The following BTBD9 variants were observed in gnomAD, a reference collection of about 807,000 sequenced individuals.
The protein encoded by BTBD9 is BTB domain containing 9.
BTBD9 carries 49 observed loss-of-function variants against 64.3 expected under a neutral mutation model. The observed-to-expected ratio is 0.76, with a 90% confidence interval of 0.61 to 0.97. BTBD9 has a LOEUF of 0.97. Among genes scored for constraint, BTBD9 ranks in the 50% least tolerant of loss-of-function variants. The probability of loss-of-function intolerance (pLI) is 0.00; values close to 1 mark genes in which losing one functional copy is unlikely to be tolerated. For synonymous variants in BTBD9, 260 were observed against 274.7 expected (o/e 0.95, Z 0.53); for missense variants, 598 against 762.1 (o/e 0.78, Z 2.53).
chr6:38,601,979 T>C (rs16890867), intron 1 of BTBD9, among the ~76,000 whole-genome samples: 7 of 152,068 alleles, frequency 4.6e-5, no homozygotes, highest in African/African-American at 1.7e-4. Context: ...AATAAACTCA[T>C]AGGACATGTA....
chr6:38,363,719 G>C (rs1260243413), intron 6 of BTBD9, among the ~76,000 whole-genome samples: 2 of 152,148 alleles, frequency 1.3e-5, no homozygotes. Context: ...GAAGTACAAA[G>C]AGAAGAAAAT....
chr6:38,257,063 C>CTTTTTTTTTTT (rs745545678), intron 8 of BTBD9, among the ~76,000 whole-genome samples: 10 of 111,364 alleles, frequency 9.0e-5, no homozygotes, highest in African/African-American at 3.3e-4. Context: ...TTGCACACTT[C>CTTTTTTTTTTT]TTTTTTTTTT....
At chr6:38,291,652 T>G (rs1381741041) in intron 7 of BTBD9, among the ~76,000 whole-genome samples, 1 of 152,120 alleles carries the variant, frequency 6.6e-6, no homozygotes, top group Non-Finnish European at 1.5e-5. Context: ...CTCTTATTAT[T>G]TTGAGATACG....
Position 38,312,163 on chromosome 6 carries a change from C to T in BTBD9, c.1265-23702G>A, listed in dbSNP as rs1243187210. Among the ~76,000 whole-genome samples the T allele has an allele frequency of 2.6e-5, 4 of 152,200 alleles. No individual in the cohort carries two copies. The South Asian group carries it at 8.3e-4, about 32-fold the overall frequency. Reference sequence around the variant, plus strand: ...GGAGTGAGCCACCATGCCCGGCCAACCTGAGCACCTTTTCGTATGCCTGTT... The same window carrying T: ...GGAGTGAGCCACCATGCCCGGCCAATCTGAGCACCTTTTCGTATGCCTGTT... On this transcript the variant is annotated intron_variant, in intron 7 of 10. Transcript: ENST00000481247.
At chr6:38,187,535 G>C (rs921028589) in intron 10 of BTBD9, among the ~76,000 whole-genome samples, 1 of 152,146 alleles carries the variant, frequency 6.6e-6, no homozygotes, top group African/African-American at 2.4e-5. Context: ...AGCGTTTGAG[G>C]GTAAAGAAAA....
At position 38,598,099 on chromosome 6, in the gene BTBD9, T is replaced by C. The variant is rs760519533; in HGVS notation, c.-5A>G. 6 of 1,612,226 alleles carry C rather than the reference T, an allele frequency of 3.7e-6. No homozygotes were observed. In the Admixed American group the frequency reaches 5.0e-5, roughly 13 times the overall value. ...AAGAGGGTGGCTGTTACTCATCTTGTGGAATAGACGATAGTCGTTGTTCTA... is the reference window on the plus strand; with the variant it reads ...AAGAGGGTGGCTGTTACTCATCTTGCGGAATAGACGATAGTCGTTGTTCTA... On this transcript the variant is annotated 5_prime_UTR_variant, in exon 2 of 11. Transcript: ENST00000481247.
intron 6 of BTBD9, among the ~76,000 whole-genome samples, chr6:38,525,425 G>C (rs1026507228): frequency 2.6e-5 from 4 of 152,140 alleles, no homozygotes; most frequent in Admixed American, 2.0e-4. Context: ...TGTGAAAATG[G>C]ACTAAAACAG....
At chr6:38,374,300 T>TATATATATATATATA (rs1562095388) in intron 6 of BTBD9, among the ~76,000 whole-genome samples, 5 of 86,588 alleles carry the variant, frequency 5.8e-5, no homozygotes, top group Admixed American at 4.8e-4. Flanking sequence ...TATATATGTA[T>TATATATATATATATA]ATATATGTAT....
At chr6:38,605,513 ATTAAG>A (rs1339112237) in intron 1 of BTBD9, among the ~76,000 whole-genome samples, 1 of 152,240 alleles carries the variant, frequency 6.6e-6, no homozygotes, top group East Asian at 1.9e-4. Context: ...CATGGGAAGT[ATTAAG>A]TTAACATGTG....
At chr6:38,431,257 T>A (rs1768428236) in intron 6 of BTBD9, among the ~76,000 whole-genome samples, 1 of 151,308 alleles carries the variant, frequency 6.6e-6, no homozygotes, top group African/African-American at 2.5e-5. Flanking sequence ...CATGTGGACA[T>A]ACACTAATAT....
chr6:38,525,845 C>T (rs1285832179), intron 6 of BTBD9, among the ~76,000 whole-genome samples: 1 of 152,128 alleles, frequency 6.6e-6, no homozygotes, highest in Non-Finnish European at 1.5e-5. Flanking sequence ...TCTAATCGTG[C>T]ATGCTCATAT....
intron 9 of BTBD9, among the ~76,000 whole-genome samples, chr6:38,207,075 G>T (rs1250210444): frequency 6.6e-6 from 1 of 152,212 alleles, no homozygotes; most frequent in African/African-American, 2.4e-5. Flanking sequence ...TAGGGAAGAA[G>T]AATAGGGATT....
chr6:38,349,691 T>C (rs1179492972), intron 6 of BTBD9, among the ~76,000 whole-genome samples: 2 of 152,110 alleles, frequency 1.3e-5, no homozygotes, highest in Admixed American at 1.3e-4. Context: ...TCTTAAAATT[T>C]ATCCCCTGAG....
At chr6:38,255,406 G>T (rs1384871078) in intron 9 of BTBD9, among the ~76,000 whole-genome samples, 1 of 152,164 alleles carries the variant, frequency 6.6e-6, no homozygotes. Flanking sequence ...CTGTAAAAGT[G>T]TAAATTTTAT....
At chr6:38,360,065 A>G (rs569754639) in intron 6 of BTBD9, among the ~76,000 whole-genome samples, 4 of 152,256 alleles carry the variant, frequency 2.6e-5, no homozygotes, top group Non-Finnish European at 5.9e-5. Context: ...GGATAATTAT[A>G]TACTGTGCTT....
intron 1 of BTBD9, among the ~76,000 whole-genome samples, chr6:38,600,479 C>T (rs377475547): frequency 4.0e-4 from 61 of 152,120 alleles, no homozygotes; most frequent in African/African-American, 1.1e-3. Context: ...TGATCATTTC[C>T]TATGTTGGTC....
intron 9 of BTBD9, among the ~76,000 whole-genome samples, chr6:38,250,017 T>C (rs760866772): frequency 1.3e-5 from 2 of 152,162 alleles, no homozygotes; most frequent in African/African-American, 4.8e-5. Context: ...CAGATGCAAT[T>C]TACCATTCAG....
At chr6:38,323,493 T>C (rs1048650986) in intron 7 of BTBD9, among the ~76,000 whole-genome samples, 1 of 152,122 alleles carries the variant, frequency 6.6e-6, no homozygotes, top group Non-Finnish European at 1.5e-5. Context: ...GGGGTGAGTG[T>C]GAGGTCAGGA....
At chr6:38,391,366 T>C (rs1044396156) in intron 6 of BTBD9, among the ~76,000 whole-genome samples, 1 of 152,196 alleles carries the variant, frequency 6.6e-6, no homozygotes, top group Non-Finnish European at 1.5e-5. Context: ...ACAGTACCCA[T>C]TACATGATAC....
Sources: allele counts gnomAD v4.1 joint callset (sites outside exome capture counted in the v4.1 genomes callset), GRCh38; gene constraint gnomAD v4.1.1; transcripts MANE v1.5; gene names NCBI Gene and HGNC (gene_info 2026-07-23, HGNC 2026-07-21).